SLC9A9: variants seen among roughly 807,000 people sequenced by gnomAD.
SLC9A9 encodes solute carrier family 9 member A9, also known as sodium/hydrogen exchanger 9.
Under a neutral mutation model 77.8 loss-of-function variants are expected in SLC9A9, and 62 were observed. The ratio of observed to expected loss-of-function variants is 0.80; its 90% CI spans 0.65 to 0.98. The LOEUF (loss-of-function observed/expected upper bound fraction) is 0.98, where lower values mean the gene tolerates loss of function less well. Among genes scored for constraint, SLC9A9 ranks in the 50% least tolerant of loss-of-function variants. SLC9A9 has a pLI of 0.00. For synonymous variants in SLC9A9, 320 were observed against 283.5 expected, an observed-to-expected ratio of 1.13 and a Z score of -1.29; for missense variants, 775 against 774.9, an observed-to-expected ratio of 1.00 and a Z score of 0.00.
intron 4 of SLC9A9, among the ~76,000 whole-genome samples, chr3:143,782,742 A>C (rs574548979): frequency 6.6e-6 from 1 of 152,244 alleles, no homozygotes; most frequent in Non-Finnish European, 1.5e-5. Context: ...TTATGAACTC[A>C]TTGATTCATT....
chr3:143,320,043 A>C (rs12633063), intron 14 of SLC9A9, among the ~76,000 whole-genome samples: 83,945 of 152,068 alleles, frequency 0.55, 24,640 homozygotes, highest in African/African-American at 0.75. Flanking sequence ...TTGGAGATAG[A>C]TCCCACTTAG....
chr3:143,340,952 T>A (rs553278921), intron 14 of SLC9A9, among the ~76,000 whole-genome samples: 4 of 152,318 alleles, frequency 2.6e-5, no homozygotes, highest in African/African-American at 9.6e-5. Flanking sequence ...GCATTTAGGA[T>A]CACCTGAACT....
chr3:143,343,376 G>T (rs1177869194), intron 14 of SLC9A9: 1 of 152,156 alleles, frequency 6.6e-6, no homozygotes, highest in African/African-American at 2.4e-5. Context: ...GAGGATGAGA[G>T]ATAGTCAATT....
intron 6 of SLC9A9, among the ~76,000 whole-genome samples, chr3:143,613,201 G>A (rs1442596749): frequency 1.3e-5 from 2 of 152,198 alleles, no homozygotes; most frequent in South Asian, 2.1e-4. Flanking sequence ...ACTCAAAGAG[G>A]TCTGAGGTGT....
At chr3:143,612,789 G>C (rs2038044165) in intron 6 of SLC9A9, among the ~76,000 whole-genome samples, 1 of 152,206 alleles carries the variant, frequency 6.6e-6, no homozygotes, top group Non-Finnish European at 1.5e-5. Context: ...CAGCCTGCCA[G>C]ATAGAGGTGA....
rs77940480 is a variant in SLC9A9, at chr3:143,506,612, T to C, written c.1090-11164A>G. Among the ~76,000 whole-genome samples, 712 of 152,228 alleles carry C rather than the reference T, an allele frequency of 4.7e-3. 7 individuals are homozygous for C. Among genetic ancestry groups the C allele is most frequent in the African/African-American group, 0.016 (664 of 41,536 alleles). ...TCAACAGTCTTATTAGTTTTGAAAATAAACATTTTGCTGCTGTGAGTTTGT... is the reference window on the plus strand; with the variant it reads ...TCAACAGTCTTATTAGTTTTGAAAACAAACATTTTGCTGCTGTGAGTTTGT... On this transcript the variant is annotated intron_variant, in intron 9 of 15. Coordinates refer to ENST00000316549, the MANE Select transcript of SLC9A9 (RefSeq NM_173653.4).
intron 4 of SLC9A9, among the ~76,000 whole-genome samples, chr3:143,762,399 T>C (rs2007163700): frequency 6.6e-6 from 1 of 152,212 alleles, no homozygotes; most frequent in South Asian, 2.1e-4. Context: ...CTTTTCTTTG[T>C]AGAATGGTAT....
intron 5 of SLC9A9, among the ~76,000 whole-genome samples, chr3:143,653,618 A>G (rs530638741): frequency 6.6e-6 from 1 of 152,292 alleles, no homozygotes; most frequent in South Asian, 2.1e-4. Flanking sequence ...CTTTCATAAT[A>G]GAGAGTCATG....
intron 12 of SLC9A9, among the ~76,000 whole-genome samples, chr3:143,427,271 G>T (rs561644005): frequency 1.4e-4 from 21 of 152,256 alleles, no homozygotes; most frequent in African/African-American, 4.8e-4. Context: ...CACTGAAATT[G>T]CCCATATTGC....
chr3:143,445,270 C>T (rs1359219415), intron 12 of SLC9A9, among the ~76,000 whole-genome samples: 1 of 152,128 alleles, frequency 6.6e-6, no homozygotes, highest in Non-Finnish European at 1.5e-5. Flanking sequence ...TCACGGGGTT[C>T]CCCAGTCCTT....
chr3:143,562,463 T>G (rs1370433277), intron 8 of SLC9A9, among the ~76,000 whole-genome samples: 1 of 152,090 alleles, frequency 6.6e-6, no homozygotes, highest in Non-Finnish European at 1.5e-5. Context: ...CACTTGGACT[T>G]TAATCCATTA....
chr3:143,704,521 C>G (rs567532229), intron 4 of SLC9A9, among the ~76,000 whole-genome samples: 1 of 152,240 alleles, frequency 6.6e-6, no homozygotes, highest in Admixed American at 6.5e-5. Flanking sequence ...AGCTTAACAT[C>G]CCTTCATAAG....
chr3:143,717,060 C>A (rs1156689020), intron 4 of SLC9A9, among the ~76,000 whole-genome samples: 1 of 152,130 alleles, frequency 6.6e-6, no homozygotes, highest in Non-Finnish European at 1.5e-5. Flanking sequence ...TCCCTGAGAG[C>A]CTCCCAGGGT....
chr3:143,470,161 T>A (rs912048548), intron 11 of SLC9A9, among the ~76,000 whole-genome samples: 1 of 152,164 alleles, frequency 6.6e-6, no homozygotes, highest in African/African-American at 2.4e-5. Context: ...TTAATCATAG[T>A]ACAAGATTGG....
intron 14 of SLC9A9, among the ~76,000 whole-genome samples, chr3:143,292,249 AG>A (rs1313257472): frequency 1.3e-5 from 2 of 152,232 alleles, no homozygotes; most frequent in Admixed American, 1.3e-4. Context: ...ATATTACTTC[AG>A]GTCAGGTTTG....
intron 4 of SLC9A9, among the ~76,000 whole-genome samples, chr3:143,707,582 T>C (rs1934018721): frequency 6.6e-6 from 1 of 152,308 alleles, no homozygotes; most frequent in East Asian, 1.9e-4. Context: ...TCATTGTTCC[T>C]GATAAAATGT....
chr3:143,621,645 G>C (rs1007122394), intron 6 of SLC9A9, among the ~76,000 whole-genome samples: 1 of 151,656 alleles, frequency 6.6e-6, no homozygotes, highest in Non-Finnish European at 1.5e-5. Flanking sequence ...CAAAGGTAGA[G>C]AAAACCACAA....
intron 5 of SLC9A9, among the ~76,000 whole-genome samples, chr3:143,666,624 A>G (rs1560021347): frequency 2.0e-5 from 3 of 152,246 alleles, no homozygotes; most frequent in Non-Finnish European, 4.4e-5. Context: ...GCTGATAAGC[A>G]ACTTCAGCAA....
intron 4 of SLC9A9, among the ~76,000 whole-genome samples, chr3:143,728,456 GAAGTGGAATA>G (rs1934718456): frequency 6.6e-6 from 1 of 152,196 alleles, no homozygotes; most frequent in African/African-American, 2.4e-5. Flanking sequence ...GATCTGAAAG[GAAGTGGAATA>G]AAGTGGGCAA....
Sources: allele counts gnomAD v4.1 joint callset (sites outside exome capture counted in the v4.1 genomes callset), GRCh38; gene constraint gnomAD v4.1.1; transcripts MANE v1.5; gene names NCBI Gene and HGNC (gene_info 2026-07-23, HGNC 2026-07-21).